TTYH1: variants seen among roughly 807,000 people sequenced by gnomAD.
TTYH1 encodes protein tweety homolog 1.
In TTYH1, 33 loss-of-function variants were observed where a neutral mutation model predicts 61.2. The ratio of observed to expected loss-of-function variants is 0.54; its 90% CI spans 0.41 to 0.72. The LOEUF (loss-of-function observed/expected upper bound fraction) is 0.72, where lower values mean the gene tolerates loss of function less well. TTYH1 is among the 30% of genes least tolerant of loss of function. The pLI, the probability that TTYH1 is intolerant of heterozygous loss-of-function variation, is 0.00. For missense variants in TTYH1, 538 were observed against 575.8 expected (o/e 0.93, Z 0.67); for synonymous variants, 308 against 266.4 (o/e 1.16, Z -1.52).
chr19:54,424,556 C>T (rs1415677744), intron 4 of TTYH1, among the ~76,000 whole-genome samples: 3 of 152,214 alleles, frequency 2.0e-5, no homozygotes, highest in Admixed American at 6.5e-5. Context: ...TGTGGTCAGG[C>T]CCAGGGGCTG....
chr19:54,423,810 C>A (rs566222173), intron 4 of TTYH1, among the ~76,000 whole-genome samples: 1 of 152,232 alleles, frequency 6.6e-6, no homozygotes, highest in East Asian at 1.9e-4. Context: ...GGGGAACCAG[C>A]AAGGGACAAA....
chr19:54,428,485 C>A (rs1223258829), intron 5 of TTYH1, among the ~76,000 whole-genome samples: 1 of 152,100 alleles, frequency 6.6e-6, no homozygotes, highest in East Asian at 1.9e-4. Flanking sequence ...CTCAGCCTTC[C>A]AAAGTACTGG....
At chr19:54,423,745 G>C (rs2083266121) in intron 4 of TTYH1, among the ~76,000 whole-genome samples, 1 of 152,154 alleles carries the variant, frequency 6.6e-6, no homozygotes, top group East Asian at 1.9e-4. Context: ...CCCCGGTGGC[G>C]GGCCGGGCAG....
chr19:54,422,520 T>C, intron 4 of TTYH1, 110 bp downstream of exon 4: 2 of 896,118 alleles, frequency 2.2e-6, no homozygotes, highest in Non-Finnish European at 3.4e-6. Context: ...CTGGGGAGTG[T>C]GTGCGCACTG....
chr19:54,431,230 G>T, intron 10 of TTYH1, 39 bp downstream of exon 10: 1 of 1,492,110 alleles, frequency 6.7e-7, no homozygotes, highest in South Asian at 1.1e-5. Flanking sequence ...TCCCACGGGG[G>T]GCCTCTGTCT....
intron 4 of TTYH1, among the ~76,000 whole-genome samples, chr19:54,425,860 C>T (rs977864957): frequency 3.9e-5 from 6 of 152,080 alleles, no homozygotes; most frequent in African/African-American, 9.7e-5. Context: ...GGATTACAGG[C>T]GTGCACCACC....
In TTYH1 at chr19:54,421,201, G is replaced by A; in HGVS notation, c.306-76G>A. 2.2e-6 allele frequency: 2 copies of A among 908,502 alleles called. No homozygotes were observed. Among genetic ancestry groups the A allele is most frequent in the African/African-American group, 1.6e-5 (1 of 61,714 alleles). The allele number at this position is 908,502 out of a possible 1,614,324, so 56.3% of individuals were successfully genotyped here. ...GGTGGATAAGAAGGCGAGGTGGAGG[G>A]GATGGGGTGGGAGGGGACGGTGGCC... On this transcript the variant is annotated intron_variant, in intron 2 of 13. Coordinates refer to ENST00000376530, the MANE Select transcript of TTYH1 (RefSeq NM_020659.4). This position sits in a 1 kb window ranked among gnomAD's most constrained non-coding sequence, Gnocchi z 4.8.
In TTYH1 at chr19:54,422,317, C is replaced by A; in HGVS notation, c.545C>A (p.Ala182Glu). 3 of 1,564,958 alleles carry A rather than the reference C, an allele frequency of 1.9e-6. No homozygotes were observed. The highest frequency in any genetic ancestry group is 2.6e-6 in the Non-Finnish European group (3 of 1,156,010). Residue 182 changes from alanine to glutamate, a missense_variant, in exon 4 of 14, where the codon GCG becomes GAG. Physicochemically the swap from Ala to Glu is moderately radical, Grantham distance 107. Coordinates refer to ENST00000376530, the MANE Select transcript of TTYH1 (RefSeq NM_020659.4). Reference sequence around the variant, plus strand: ...GGGGCTCGACGGCAGGCGGAGGCTGCGGCCCAGCAGCTGCAGGGGCTGGCC... The same window carrying A: ...GGGGCTCGACGGCAGGCGGAGGCTGAGGCCCAGCAGCTGCAGGGGCTGGCC... ...ARGARRQAEA[A>E]AQQLQGLAFW...
Position 54,426,679 on chromosome 19 carries a change from G to A in TTYH1, c.645G>A (p.Leu215=). 3 of 1,613,782 alleles carry A rather than the reference G, an allele frequency of 1.9e-6. No individual in the cohort carries two copies. Among genetic ancestry groups the A allele is most frequent in the Admixed American group, 1.7e-5 (1 of 60,016 alleles). The change falls in exon 5 of 14, where the codon CTG becomes CTA. Residue 215 remains leucine (L), a synonymous_variant. Coordinates refer to ENST00000376530, the MANE Select transcript of TTYH1 (RefSeq NM_020659.4). ...NVSFVEEYRW[L]AYVLLLLLEL... is the part of the protein sequence containing the mutation. Reference sequence around the variant, plus strand: ...CTACCCTCTCCCCTCCCAGGTGGCTGGCCTACGTCCTCCTGCTGCTCCTGG... The same window carrying A: ...CTACCCTCTCCCCTCCCAGGTGGCTAGCCTACGTCCTCCTGCTGCTCCTGG...
intron 4 of TTYH1, among the ~76,000 whole-genome samples, chr19:54,424,415 C>A (rs551890817): frequency 6.6e-6 from 1 of 152,258 alleles, no homozygotes; most frequent in Non-Finnish European, 1.5e-5. Flanking sequence ...ATTTGGGAGG[C>A]CTTCCGGGAT....
At position 54,429,367 on chromosome 19, in the gene TTYH1, A is replaced by G; in HGVS notation, c.795A>G (p.Ala265=). 6.2e-7 allele frequency: 1 copy of G among 1,613,792 alleles called. No individual in the cohort carries two copies. Among genetic ancestry groups the G allele is most frequent in the Non-Finnish European group, 8.5e-7 (1 of 1,179,944 alleles). The change falls in exon 6 of 14, where the codon GCA becomes GCG. Residue 265 remains alanine (A), a synonymous_variant. Coordinates refer to ENST00000376530, the MANE Select transcript of TTYH1 (RefSeq NM_020659.4). This position sits in a 1 kb window ranked among gnomAD's most constrained non-coding sequence, Gnocchi z 5.1. ...GCTGGGGCTCCATGGGCCTGGAGGC[A>G]GCCACGGCCGTGGTGAGTGCCAGGG... The part of the protein sequence containing the change: ...VLSWGSMGLE[A]ATAVGLSDFC...
Position 54,426,684 on chromosome 19 carries a change from A to ACGT in TTYH1, c.652_654dup (p.Val218dup), listed in dbSNP as rs1267660496. The ACGT allele has an allele frequency of 6.2e-7, 1 of 1,613,768 alleles. No homozygotes were observed. The highest frequency in any genetic ancestry group is 2.2e-5 in the East Asian group (1 of 44,852). On this transcript the variant is annotated inframe_insertion, in exon 5 of 14. Coordinates refer to ENST00000376530, the MANE Select transcript of TTYH1 (RefSeq NM_020659.4). The stretch of plus-strand genomic sequence containing the variant: ...CTCTCCCCTCCCAGGTGGCTGGCCT[A>ACGT]CGTCCTCCTGCTGCTCCTGGAGCTG...
At chr19:54,422,440 C>A in intron 4 of TTYH1, 30 bp downstream of exon 4, 1 of 1,481,538 alleles carries the variant, frequency 6.7e-7, no homozygotes, top group Non-Finnish European at 9.0e-7. Flanking sequence ...GCTCTCTGTG[C>A]CGGCAGCTCT....
Position 54,436,312 on chromosome 19 carries a change from T to C in TTYH1, c.*43-21T>C. On this transcript the variant is annotated intron_variant, in intron 13 of 13. Transcript: ENST00000376530. This position sits in a 1 kb window ranked among gnomAD's most constrained non-coding sequence, Gnocchi z 4.3. ...GGCCCTCCAGCCTGCATCACTGCCC[T>C]GTCTCTCCCTCTCTCCGCAGTTCCT... The C allele has an allele frequency of 1.2e-6, 2 of 1,613,926 alleles. No individual in the cohort carries two copies. The highest frequency in any genetic ancestry group is 1.7e-6 in the Non-Finnish European group (2 of 1,179,866).
rs529770445 is a variant in TTYH1, at chr19:54,431,351, T to C, written c.1125+160T>C. The stretch of plus-strand genomic sequence containing the variant: ...ATCTGTCCTATATCTATTCTCTACC[T>C]ATTTATAACCTGTCGTCTACCTACC... On this transcript the variant is annotated intron_variant, in intron 10 of 13. Coordinates refer to ENST00000376530, the MANE Select transcript of TTYH1 (RefSeq NM_020659.4). 4 of 606,654 alleles carry C rather than the reference T, an allele frequency of 6.6e-6. No individual in the cohort carries two copies. The South Asian group carries it at 7.8e-5, about 12-fold the overall frequency. 37.6% of individuals were successfully genotyped at this position (606,654 alleles called of 1,614,324 possible).
chr19:54,419,572 CT>C lies in TTYH1; in HGVS notation c.305+267del. On this transcript the variant is annotated intron_variant, in intron 2 of 13. Transcript: ENST00000376530. The surrounding 1 kb of genome is among the most constrained non-coding windows in gnomAD (Gnocchi z 6.1). ...GAAGGCGCAGGGGCAGTCAGATGGC[CT>C]GGTTTTGGTGGCTCTCCCATTGAAT... The C allele has an allele frequency of 1.5e-6, 1 of 679,734 alleles. No homozygotes were observed. The highest frequency in any genetic ancestry group is 1.5e-5 in the South Asian group (1 of 66,540). 42.1% of individuals were successfully genotyped at this position (679,734 alleles called of 1,614,324 possible).
rs77125725 is a variant in TTYH1, at chr19:54,421,949, T to C, written c.418-241T>C. Reference sequence around the variant, plus strand: ...TTAATCTCAGTCCTGGGGCTGGACTTACTACCCTGGGCTCAAGCTACCAAC... The same window carrying C: ...TTAATCTCAGTCCTGGGGCTGGACTCACTACCCTGGGCTCAAGCTACCAAC... On this transcript the variant is annotated intron_variant, in intron 3 of 13. Transcript: ENST00000376530. The surrounding 1 kb of genome is among the most constrained non-coding windows in gnomAD (Gnocchi z 4.8). 9.0e-3 allele frequency among the ~76,000 whole-genome samples: 1,371 copies of C among 152,180 alleles called. 15 individuals carry two copies. Among genetic ancestry groups the C allele is most frequent in the African/African-American group, 0.031 (1,295 of 41,518 alleles).
In TTYH1 at chr19:54,415,591, G is replaced by A. The variant is rs1469899672; in HGVS notation, c.39G>A (p.Val13=). The change falls in exon 1 of 14, where the codon GTG becomes GTA. Residue 13 remains valine (V), a synonymous_variant. Coordinates refer to ENST00000376530, the MANE Select transcript of TTYH1 (RefSeq NM_020659.4). This position sits in a 1 kb window ranked among gnomAD's most constrained non-coding sequence, Gnocchi z 5.2. The part of the protein sequence containing the change: ...APPGYRPSAW[V]HLLHQLPRAD... ...CGGGCTACCGGCCCTCAGCTTGGGT[G>A]CATCTCCTCCACCAGCTGCCCCGCG... 7.1e-6 allele frequency: 11 copies of A among 1,538,798 alleles called. No individual in the cohort carries two copies. In the Admixed American group the frequency reaches 1.6e-4, roughly 22 times the overall value.
rs201655547 is a variant in TTYH1 at position 54,435,849 on chromosome 19, C to G, written c.1290C>G (p.Asp430Glu). 8.7e-6 allele frequency: 14 copies of G among 1,613,216 alleles called. No homozygotes were observed. The highest frequency in any genetic ancestry group is 1.7e-4 in the Middle Eastern group (1 of 6,058). The change falls in exon 12 of 14, where the codon GAC becomes GAG. Residue 430 changes from aspartate (D) to glutamate (E), a missense_variant. Coordinates refer to ENST00000376530, the MANE Select transcript of TTYH1 (RefSeq NM_020659.4). ...FPPSDDYDDT[D>E]DDDPFNPQES... ...CCAGTGACGACTACGATGACACAGA[C>G]GATGACGACCCTTTCAACCCTCAGG...
Sources: allele counts gnomAD v4.1 joint callset (sites outside exome capture counted in the v4.1 genomes callset), GRCh38; gene constraint gnomAD v4.1.1; non-coding constraint Gnocchi (gnomAD v3.1); transcripts MANE v1.5; gene names NCBI Gene and HGNC (gene_info 2026-07-23, HGNC 2026-07-21).